CORO1C: variants seen among roughly 807,000 people sequenced by gnomAD.
CORO1C encodes coronin-1C.
Under a neutral mutation model 51.2 loss-of-function variants are expected in CORO1C, and 14 were observed. The ratio of observed to expected loss-of-function variants is 0.27; its 90% CI spans 0.18 to 0.43. The LOEUF (loss-of-function observed/expected upper bound fraction) is 0.43, where lower values mean the gene tolerates loss of function less well. Among genes scored for constraint, CORO1C ranks in the 20% least tolerant of loss-of-function variants. The pLI, the probability that CORO1C is intolerant of heterozygous loss-of-function variation, is 1.00. For missense variants in CORO1C, 417 were observed against 607.8 expected (o/e 0.69, Z 3.30); for synonymous variants, 181 against 210.5 (o/e 0.86, Z 1.21).
At chr12:108,661,391 G>A (rs2033254489) in intron 4 of CORO1C, among the ~76,000 whole-genome samples, 1 of 152,190 alleles carries the variant, frequency 6.6e-6, no homozygotes, top group Non-Finnish European at 1.5e-5. Flanking sequence ...ACCACCAAGT[G>A]CAGAAAGCAG....
Position 108,701,166 on chromosome 12 carries a change from C to T in CORO1C, c.153G>A (p.Glu51=). 6.2e-7 allele frequency: 1 copy of T among 1,614,154 alleles called. No homozygotes were observed. Among genetic ancestry groups the T allele is most frequent in the Non-Finnish European group, 8.5e-7 (1 of 1,180,020 alleles). ...CAAGGAACGCTCCTCCCCCACTTGC[C>T]TCTATGATTATGGCAACAAATCTGG... ...VNPRFVAIII[E]ASGGGAFLVL... Residue 51 remains glutamate, a synonymous_variant, in exon 2 of 11, where the codon GAG becomes GAA. Coordinates refer to ENST00000261401, the MANE Select transcript of CORO1C (RefSeq NM_014325.4).
chr12:108,719,805 A>C (rs1053636433), intron 1 of CORO1C, among the ~76,000 whole-genome samples: 2 of 152,264 alleles, frequency 1.3e-5, no homozygotes, highest in Non-Finnish European at 2.9e-5. Context: ...CCCTTGACAG[A>C]AATTATGGTT....
intron 1 of CORO1C, among the ~76,000 whole-genome samples, chr12:108,712,742 G>T (rs1338917883): frequency 6.6e-6 from 1 of 151,762 alleles, no homozygotes; most frequent in Non-Finnish European, 1.5e-5. Context: ...AGCATTTTGG[G>T]AGGCTGAGGT....
chr12:108,677,805 G>C (rs1224927422), intron 3 of CORO1C, among the ~76,000 whole-genome samples: 2 of 152,132 alleles, frequency 1.3e-5, no homozygotes, highest in African/African-American at 2.4e-5. Context: ...GATCACTTGA[G>C]GTCAGGAGTT....
intron 8 of CORO1C, 74 bp from the exon 9 acceptor site, chr12:108,649,094 T>C: frequency 6.5e-7 from 1 of 1,534,174 alleles, no homozygotes; most frequent in South Asian, 1.1e-5. Flanking sequence ...ATAATTAGTT[T>C]TCTACAATGC....
intron 1 of CORO1C, among the ~76,000 whole-genome samples, chr12:108,715,887 A>C (rs1199866646): frequency 2.0e-5 from 3 of 151,822 alleles, no homozygotes; most frequent in Non-Finnish European, 4.4e-5. Flanking sequence ...TAATCCCAGC[A>C]CTTTGGGAGG....
chr12:108,727,293 G>C (rs1177680849), intron 1 of CORO1C, among the ~76,000 whole-genome samples: 1 of 152,232 alleles, frequency 6.6e-6, no homozygotes, highest in Non-Finnish European at 1.5e-5. Flanking sequence ...CTGCCTGTGA[G>C]ATGAGGAAGT....
At chr12:108,711,274 G>C (rs1456439477) in intron 1 of CORO1C, among the ~76,000 whole-genome samples, 1 of 152,120 alleles carries the variant, frequency 6.6e-6, no homozygotes, top group Non-Finnish European at 1.5e-5. Context: ...GGGAGCTGAG[G>C]TGGGAGGACT....
intron 3 of CORO1C, among the ~76,000 whole-genome samples, chr12:108,670,289 G>A (rs774951780): frequency 3.3e-5 from 5 of 152,154 alleles, no homozygotes; most frequent in African/African-American, 9.7e-5. Flanking sequence ...GCAGCAGGCC[G>A]GTGTGAGATC....
Position 108,660,549 on chromosome 12 carries a change from C to A in CORO1C, c.448+1480G>T, listed in dbSNP as rs558046182. The stretch of plus-strand genomic sequence containing the variant: ...CTAAACTCTGGGATGGACAATTGAA[C>A]CTTCCTCTGCCTTCTTCCCTATAGG... On this transcript the variant is annotated intron_variant, in intron 4 of 10. Coordinates refer to ENST00000261401, the MANE Select transcript of CORO1C (RefSeq NM_014325.4). Among the ~76,000 whole-genome samples the A allele has an allele frequency of 6.8e-4, 104 of 151,998 alleles. 1 individual carries two copies. Among genetic ancestry groups the A allele is most frequent in the Non-Finnish European group, 1.3e-3 (87 of 67,986 alleles).
At chr12:108,662,305 C>T in intron 3 of CORO1C, 147 bp from the exon 4 acceptor site, 1 of 723,976 alleles carries the variant, frequency 1.4e-6, no homozygotes, top group Non-Finnish European at 2.2e-6. Flanking sequence ...TGTGAAATGA[C>T]CGTGTTAGGC....
At chr12:108,659,704 A>C (rs1592857433) in intron 4 of CORO1C, among the ~76,000 whole-genome samples, 1 of 152,318 alleles carries the variant, frequency 6.6e-6, no homozygotes, top group Non-Finnish European at 1.5e-5. Context: ...CAGGTTATTC[A>C]AATCAGTGAG....
rs1273595004 is a variant in CORO1C, at chr12:108,655,359, TC to T, written c.751-950del. ...AAATATAGTCCCCTCCCTCTCCCCT[TC>T]CCCCTCCCCCTCCCCCTCTCCCTCT... On this transcript the variant is annotated intron_variant, in intron 6 of 10. Coordinates refer to ENST00000261401, the MANE Select transcript of CORO1C (RefSeq NM_014325.4). Among the ~76,000 whole-genome samples the T allele has an allele frequency of 1.9e-3, 263 of 140,686 alleles. 1 individual carries two copies. The highest frequency in any genetic ancestry group is 6.4e-3 in the African/African-American group (246 of 38,516). 92.3% of individuals were successfully genotyped at this position (140,686 alleles called of 152,430 possible). A position where few individuals can be genotyped will look rare whatever the true frequency, so the allele number is the denominator to read the frequency against.
At chr12:108,655,468 G>A (rs1242192274) in intron 6 of CORO1C, among the ~76,000 whole-genome samples, 4 of 149,470 alleles carry the variant, frequency 2.7e-5, no homozygotes, top group Non-Finnish European at 5.9e-5. Flanking sequence ...TCGACTCACT[G>A]CAACCTCCCT....
chr12:108,659,102 C>T (rs934785115), intron 4 of CORO1C, among the ~76,000 whole-genome samples, 183 bp from the exon 5 acceptor site: 3 of 151,984 alleles, frequency 2.0e-5, no homozygotes, highest in African/African-American at 7.3e-5. Flanking sequence ...TTACTAACAG[C>T]GTTAAAAACT....
intron 1 of CORO1C, among the ~76,000 whole-genome samples, chr12:108,711,679 CAA>C (rs766919638): frequency 6.6e-5 from 4 of 60,510 alleles, no homozygotes; most frequent in Non-Finnish European, 3.4e-5. Context: ...AACTCCGTCT[CAA>C]AAAAAAAAAA....
intron 3 of CORO1C, among the ~76,000 whole-genome samples, chr12:108,662,891 C>T (rs1168788064): frequency 6.6e-6 from 1 of 152,000 alleles, no homozygotes; most frequent in Non-Finnish European, 1.5e-5. Context: ...AAAAAACAAC[C>T]TGCAGAATGG....
intron 6 of CORO1C, 22 bp from the exon 7 acceptor site, chr12:108,654,432 T>G (rs766404125): frequency 7.5e-7 from 1 of 1,330,236 alleles, no homozygotes; most frequent in Non-Finnish European, 1.1e-6. Context: ...ATAATAATAA[T>G]ACATATATGT....
chr12:108,696,676 T>C (rs1024494151), intron 2 of CORO1C, among the ~76,000 whole-genome samples: 1 of 152,234 alleles, frequency 6.6e-6, no homozygotes, highest in Non-Finnish European at 1.5e-5. Flanking sequence ...AGCCAACTTA[T>C]GTTCAGCAAG....
Sources: allele counts gnomAD v4.1 joint callset (sites outside exome capture counted in the v4.1 genomes callset), GRCh38; gene constraint gnomAD v4.1.1; transcripts MANE v1.5; gene names NCBI Gene and HGNC (gene_info 2026-07-23, HGNC 2026-07-21).